TBC1D16: variants seen among roughly 807,000 people sequenced by gnomAD.
TBC1D16 encodes TBC1 domain family member 16, also known as CTD-2529O21.1.
TBC1D16 carries 58 observed loss-of-function variants against 74.7 expected under a neutral mutation model. That is an observed-to-expected ratio of 0.78 (90% confidence interval 0.63 to 0.97). The LOEUF (loss-of-function observed/expected upper bound fraction) is 0.97. TBC1D16 is among the 50% of genes least tolerant of loss of function. The pLI is 0.00. For synonymous variants in TBC1D16, 493 were observed against 474.7 expected (o/e 1.04, Z -0.50); for missense variants, 1,014 against 1,079.5 (o/e 0.94, Z 0.85).
chr17:79,989,773 C>T lies in TBC1D16; in HGVS notation c.779+20387G>A, dbSNP rs190061955. Among the ~76,000 whole-genome samples the T allele has an allele frequency of 5.8e-3, 876 of 152,344 alleles. 3 individuals carry two copies. The highest frequency in any genetic ancestry group is 9.4e-3 in the Non-Finnish European group (638 of 68,028). On this transcript the variant is annotated intron_variant, in intron 3 of 11. Transcript: ENST00000310924. ...AGCCTCAGCATCGGCCCTCGCAAGT[C>T]CCACCAGAGAACGGTATTGAAAAGA... is the stretch of plus-strand genomic sequence containing the variant.
intron 3 of TBC1D16, among the ~76,000 whole-genome samples, chr17:80,003,441 G>T (rs2035565631): frequency 6.6e-6 from 1 of 152,184 alleles, no homozygotes; most frequent in Non-Finnish European, 1.5e-5. Flanking sequence ...CAAGGTGGCA[G>T]GCCGGCGGCA....
intron 1 of TBC1D16, among the ~76,000 whole-genome samples, chr17:80,021,756 TCA>T (rs967879503): frequency 1.0e-5 from 1 of 99,044 alleles, no homozygotes; most frequent in Non-Finnish European, 2.2e-5. Flanking sequence ...CATAGACACA[TCA>T]CACACACAAC....
chr17:79,943,314 C>T (rs578199700), intron 10 of TBC1D16, among the ~76,000 whole-genome samples: 4 of 152,244 alleles, frequency 2.6e-5, no homozygotes, highest in East Asian at 3.9e-4. Context: ...GGAAGGTGGA[C>T]GCCCAGCTTC....
chr17:79,970,902 C>G (rs1369202226), intron 3 of TBC1D16, among the ~76,000 whole-genome samples: 2 of 128,938 alleles, frequency 1.6e-5, no homozygotes, highest in Non-Finnish European at 3.3e-5. Flanking sequence ...CAGCGCCACC[C>G]TCTGGAAACA....
chr17:79,945,100 C>T lies in TBC1D16; in HGVS notation c.1729-13G>A, dbSNP rs1401243179. On this transcript the variant is annotated splice_polypyrimidine_tract_variant and intron_variant, in intron 9 of 11. Transcript: ENST00000310924. ...CGCGCAGGTACAGCTGGGGGTGAGG[C>T]CGTCACGCGTTAGTTAGCTCCGGTC... The T allele has an allele frequency of 6.4e-7, 1 of 1,568,004 alleles. No homozygotes were observed. The highest frequency in any genetic ancestry group is 1.2e-5 in the South Asian group (1 of 84,998).
chr17:79,952,594 CCAGGCTGCCAGGGAAAACACACA>C, intron 4 of TBC1D16, 40 bp downstream of exon 4: 1 of 1,536,774 alleles, frequency 6.5e-7, no homozygotes, highest in Non-Finnish European at 8.8e-7. Context: ...GCTGCAAAGC[CCAGGCTGCCAGGGAAAACACACA>C]CAGGCCAACT....
intron 1 of TBC1D16, among the ~76,000 whole-genome samples, chr17:80,024,516 ACGCACACCATG>A (rs2036447923): frequency 2.7e-5 from 4 of 148,966 alleles, no homozygotes; most frequent in Admixed American, 6.6e-5. Flanking sequence ...TAGACAAACC[ACGCACACCATG>A]CACACACCAC....
chr17:80,024,606 C>CACACACACCACACACCATAG lies in TBC1D16; in HGVS notation c.-62-10998_-62-10997insCTATGGTGTGTGGTGTGTGT, dbSNP rs2036470088. ...CACACCACACACCACACACCATAGACACACACACCACACACCATAAGCACA... is the reference window on the plus strand; with the variant it reads ...CACACCACACACCACACACCATAGACACACACACCACACACCATAGACACACACCACACACCATAAGCACA... On this transcript the variant is annotated intron_variant, in intron 1 of 11. Coordinates refer to ENST00000310924, the MANE Select transcript of TBC1D16 (RefSeq NM_019020.4). Among the ~76,000 whole-genome samples the CACACACACCACACACCATAG allele has an allele frequency of 8.2e-5, 12 of 146,952 alleles. No homozygotes were observed. The South Asian group carries it at 2.4e-3, about 30-fold the overall frequency.
chr17:79,963,188 G>A (rs1263959368), intron 3 of TBC1D16, among the ~76,000 whole-genome samples: 12 of 149,710 alleles, frequency 8.0e-5, no homozygotes, highest in Non-Finnish European at 5.9e-5. Context: ...CTGCACTGCC[G>A]CCTGGGTGAC....
At position 79,948,976 on chromosome 17, in the gene TBC1D16, C is replaced by T. The variant is rs972187988; in HGVS notation, c.1437G>A (p.Ala479=). 1.2e-5 allele frequency: 19 copies of T among 1,614,176 alleles called. No individual in the cohort carries two copies. Among genetic ancestry groups the T allele is most frequent in the Admixed American group, 1.7e-5 (1 of 60,028 alleles). The stretch of plus-strand genomic sequence containing the variant: ...CAGTGAACTGCACATTACGCCAGAA[C>T]GCTCTGTGCTCCTCGGGAGTCATGG... ...RLSMTPEEHR[A]FWRNVQFTVD... The change falls in exon 8 of 12, where the codon GCG becomes GCA. Residue 479 remains alanine, a synonymous_variant. Coordinates refer to ENST00000310924, the MANE Select transcript of TBC1D16 (RefSeq NM_019020.4).
rs1598307057 is a variant in TBC1D16, at chr17:79,941,328, CG to C, written c.2056-222del. On this transcript the variant is annotated intron_variant, in intron 11 of 11. Coordinates refer to ENST00000310924, the MANE Select transcript of TBC1D16 (RefSeq NM_019020.4). The surrounding 1 kb of genome is among the most constrained non-coding windows in gnomAD (Gnocchi z 4.3). ...GCAGTGATGGGACCCACAAGGCACT[CG>C]GGCTGTGCTCACAGGTGGCTCGAGG... is the stretch of plus-strand genomic sequence containing the variant. 6.6e-6 allele frequency among the ~76,000 whole-genome samples: 1 copy of C among 152,288 alleles called. No individual in the cohort carries two copies. The highest frequency in any genetic ancestry group is 1.9e-4 in the East Asian group (1 of 5,188).
intron 1 of TBC1D16, among the ~76,000 whole-genome samples, chr17:80,034,721 C>T (rs558931049): frequency 6.6e-6 from 1 of 152,276 alleles, no homozygotes; most frequent in African/African-American, 2.4e-5. Flanking sequence ...TTACTGTTAG[C>T]GTTTCTAATG....
Position 80,013,486 on chromosome 17 carries a change from G to A in TBC1D16, c.62C>T (p.Thr21Ile). Residue 21 changes from threonine (T) to isoleucine (I), a missense_variant, in exon 2 of 12, where the codon ACC becomes ATC. Physicochemically the swap from Thr to Ile is moderately conservative, Grantham distance 89 (BLOSUM62 -1). Coordinates refer to ENST00000310924, the MANE Select transcript of TBC1D16 (RefSeq NM_019020.4). ...SSKASDLLTL[T>I]PGGSGSGSPS... ...GGACCCGCTGCCGCTGCCACCGGGG[G>A]TGAGGGTCAGGAGGTCCGAGGCTTT... 1.3e-6 allele frequency: 2 copies of A among 1,589,852 alleles called. No individual in the cohort carries two copies. Among genetic ancestry groups the A allele is most frequent in the Non-Finnish European group, 1.7e-6 (2 of 1,169,024 alleles).
In TBC1D16 at chr17:80,001,368, G is replaced by A. The variant is rs1210722064; in HGVS notation, c.779+8792C>T. On this transcript the variant is annotated intron_variant, in intron 3 of 11. Coordinates refer to ENST00000310924, the MANE Select transcript of TBC1D16 (RefSeq NM_019020.4). This position sits in a 1 kb window ranked among gnomAD's most constrained non-coding sequence, Gnocchi z 5.8. ...CGACACACAGAACAGATTGCAGGGT[G>A]TCGGGCAATGGGATGTTTTAAAGAA... 6.6e-6 allele frequency among the ~76,000 whole-genome samples: 1 copy of A among 152,238 alleles called. No individual in the cohort carries two copies. The highest frequency in any genetic ancestry group is 2.4e-5 in the African/African-American group (1 of 41,470).
rs1470453391 is a variant in TBC1D16 at position 80,035,550 on chromosome 17, G to A, written c.-63+245C>T. On this transcript the variant is annotated intron_variant, in intron 1 of 11. Transcript: ENST00000310924. The surrounding 1 kb of genome is among the most constrained non-coding windows in gnomAD (Gnocchi z 5.3). ...GGCCCGGGCGCCCTCACTCGCCGCG[G>A]GGAAAAGTCCCCAGGTGCCCCTCCG... is the stretch of plus-strand genomic sequence containing the variant. Among the ~76,000 whole-genome samples, 1 of 151,934 alleles carries A rather than the reference G, an allele frequency of 6.6e-6. No individual in the cohort carries two copies. Among genetic ancestry groups the A allele is most frequent in the South Asian group, 2.1e-4 (1 of 4,826 alleles).
rs1275423607 is a variant in TBC1D16 at position 79,944,100 on chromosome 17, T to C, written c.1908+808A>G. 1.3e-6 allele frequency: 2 copies of C among 1,535,960 alleles called. No individual in the cohort carries two copies. The highest frequency in any genetic ancestry group is 2.4e-5 in the South Asian group (2 of 84,058). ...GCTTCAGACTCGCTTTCATCAGACATCAGCCCCCTGCGGTGTGAGTGAGGA... is the reference window on the plus strand; with the variant it reads ...GCTTCAGACTCGCTTTCATCAGACACCAGCCCCCTGCGGTGTGAGTGAGGA... On this transcript the variant is annotated intron_variant, in intron 10 of 11. Coordinates refer to ENST00000310924, the MANE Select transcript of TBC1D16 (RefSeq NM_019020.4). This position sits in a 1 kb window ranked among gnomAD's most constrained non-coding sequence, Gnocchi z 7.7.
chr17:79,976,228 A>C (rs748171543), intron 3 of TBC1D16, among the ~76,000 whole-genome samples: 1 of 152,212 alleles, frequency 6.6e-6, no homozygotes, highest in Non-Finnish European at 1.5e-5. Flanking sequence ...GCCGAGACTG[A>C]GGCTCAGAGA....
rs1276118804 is a variant in TBC1D16, at chr17:79,954,934, G to A, written c.780-2116C>T. 6.6e-6 allele frequency among the ~76,000 whole-genome samples: 1 copy of A among 152,092 alleles called. No homozygotes were observed. The highest frequency in any genetic ancestry group is 1.9e-4 in the East Asian group (1 of 5,176). On this transcript the variant is annotated intron_variant, in intron 3 of 11. Coordinates refer to ENST00000310924, the MANE Select transcript of TBC1D16 (RefSeq NM_019020.4). This position sits in a 1 kb window ranked among gnomAD's most constrained non-coding sequence, Gnocchi z 5.5. ...GTTTCCAGAAACCAGACAGAACACA[G>A]AGACTCGCTTTGGCAGTCACGGATG...
At position 80,001,884 on chromosome 17, in the gene TBC1D16, G is replaced by C. The variant is rs1429042989; in HGVS notation, c.779+8276C>G. ...TGCTCCCTTCCTCATCCCCTGCTTT[G>C]TGTCCCCGTCTCCTGCTCCAGGCTC... On this transcript the variant is annotated intron_variant, in intron 3 of 11. Transcript: ENST00000310924. This position sits in a 1 kb window ranked among gnomAD's most constrained non-coding sequence, Gnocchi z 5.8. 6.7e-6 allele frequency among the ~76,000 whole-genome samples: 1 copy of C among 148,672 alleles called. No homozygotes were observed. Among genetic ancestry groups the C allele is most frequent in the Non-Finnish European group, 1.5e-5 (1 of 67,602 alleles).
Sources: allele counts gnomAD v4.1 joint callset (sites outside exome capture counted in the v4.1 genomes callset), GRCh38; gene constraint gnomAD v4.1.1; non-coding constraint Gnocchi (gnomAD v3.1); transcripts MANE v1.5; gene names NCBI Gene and HGNC (gene_info 2026-07-23, HGNC 2026-07-21).